Variants in PANK3 observed in about 807,000 individuals in gnomAD.
PANK3 encodes the protein pantothenate kinase 3.
In PANK3, 20 loss-of-function variants were observed where a neutral mutation model predicts 39.4. The ratio of observed to expected loss-of-function variants is 0.51; its 90% CI spans 0.36 to 0.74. The LOEUF (loss-of-function observed/expected upper bound fraction) is 0.74, where lower values mean the gene tolerates loss of function less well. Among genes scored for constraint, PANK3 ranks in the 30% least tolerant of loss-of-function variants. PANK3 has a pLI of 0.00. For synonymous variants in PANK3, 140 were observed against 157.3 expected, an observed-to-expected ratio of 0.89 and a Z score of 0.82; for missense variants, 265 against 437.0, an observed-to-expected ratio of 0.61 and a Z score of 3.51.
At chr5:168,568,616 A>C (rs936992004) in intron 2 of PANK3, 30 bp downstream of exon 2, 2 of 1,467,902 alleles carry the variant, frequency 1.4e-6, no homozygotes, top group African/African-American at 2.8e-5. Context: ...AACAGGTATC[A>C]ATTTTCAGTT....
chr5:168,573,778 T>C (rs1373051746), intron 1 of PANK3, among the ~76,000 whole-genome samples: 1 of 151,112 alleles, frequency 6.6e-6, no homozygotes, highest in African/African-American at 2.4e-5. Flanking sequence ...TTTGGTTTTT[T>C]GTTCTTGCGA....
At position 168,561,406 on chromosome 5, in the gene PANK3, C is replaced by T. The variant is rs1197410147; in HGVS notation, c.923G>A (p.Cys308Tyr). ...TNNIGSVARM[C>Y]AVNEKINRVV... ...TTGTTTTTTTACCTCATTAACAGCA[C>T]ACATTCGTGCCACAGAACCAATGTT... Residue 308 changes from cysteine to tyrosine, a missense_variant, in exon 5 of 7, where the codon TGT becomes TAT. This residue lies in a region of PANK3 where 110 missense variants were observed against 161.2 expected (regional missense o/e 0.68). Coordinates refer to ENST00000239231, the MANE Select transcript of PANK3 (RefSeq NM_024594.4). 1.3e-6 allele frequency: 2 copies of T among 1,582,778 alleles called. No individual in the cohort carries two copies. Among genetic ancestry groups the T allele is most frequent in the Non-Finnish European group, 1.7e-6 (2 of 1,168,112 alleles).
At chr5:168,563,800 A>T in intron 4 of PANK3, 89 bp downstream of exon 4, 2 of 1,222,216 alleles carry the variant, frequency 1.6e-6, no homozygotes, top group Non-Finnish European at 2.2e-6. Flanking sequence ...AAGCACCCTT[A>T]CAACTTTCTG....
rs1759790583 is a variant in PANK3 at position 168,579,300 on chromosome 5, G to A, written c.-17C>T. Reference sequence around the variant, plus strand: ...GATCTTCATGGCGTCGGCCCGAGGGGCGATGGACGGCCTCCGATCCGGGGC... The same window carrying A: ...GATCTTCATGGCGTCGGCCCGAGGGACGATGGACGGCCTCCGATCCGGGGC... On this transcript the variant is annotated 5_prime_UTR_variant, in exon 1 of 7. Transcript: ENST00000239231. The A allele has an allele frequency of 1.4e-6, 2 of 1,478,020 alleles. No homozygotes were observed. Among genetic ancestry groups the A allele is most frequent in the Non-Finnish European group, 1.8e-6 (2 of 1,109,874 alleles). The allele number at this position is 1,478,020 out of a possible 1,614,324, so 91.6% of individuals were successfully genotyped here.
chr5:168,575,225 G>A lies in PANK3; in HGVS notation c.28+4031C>T, dbSNP rs982539674. ...TATTCTATGTCTCAAGTGGTCTTAT[G>A]AGAGTTGACATTAGTTCCCCATATG... On this transcript the variant is annotated intron_variant, in intron 1 of 6. Transcript: ENST00000239231. Among the ~76,000 whole-genome samples the A allele has an allele frequency of 3.9e-5, 6 of 152,142 alleles. No individual in the cohort carries two copies. In the South Asian group the frequency reaches 6.2e-4, roughly 16 times the overall value.
intron 1 of PANK3, among the ~76,000 whole-genome samples, chr5:168,570,575 G>A (rs187279831): frequency 1.3e-5 from 2 of 152,020 alleles, no homozygotes; most frequent in Admixed American, 1.3e-4. Flanking sequence ...ATTAATAGAA[G>A]GAATGATAAA....
intron 6 of PANK3, among the ~76,000 whole-genome samples, chr5:168,558,092 T>A (rs979964406): frequency 6.6e-6 from 1 of 151,794 alleles, no homozygotes; most frequent in Non-Finnish European, 1.5e-5. Context: ...CCATGTGGAA[T>A]TGCACAAGGG....
In PANK3 at chr5:168,557,550, C is replaced by CAG. The variant is rs753838223; in HGVS notation, c.*19_*20dup. 1.2e-5 allele frequency: 19 copies of CAG among 1,606,632 alleles called. No homozygotes were observed. In the Middle Eastern group the frequency reaches 5.0e-4, roughly 42 times the overall value. On this transcript the variant is annotated 3_prime_UTR_variant, in exon 7 of 7. Coordinates refer to ENST00000239231, the MANE Select transcript of PANK3 (RefSeq NM_024594.4). ...GTTCCTCTTGGATGACATTTATTAG[C>CAG]AGAGAGAGAGACCTGATGCTTTAGC...
In PANK3 at chr5:168,554,925, A is replaced by G. The variant is rs1313712803; in HGVS notation, c.*2646T>C. On this transcript the variant is annotated 3_prime_UTR_variant, in exon 7 of 7. Transcript: ENST00000239231. ...GGTTAATGTGAACTATGATTCATAT[A>G]TTTTATCCTTTCAAACTGAAATTAC... The G allele has an allele frequency of 1.3e-5, 2 of 152,226 alleles. No individual in the cohort carries two copies. Among genetic ancestry groups the G allele is most frequent in the African/African-American group, 4.8e-5 (2 of 41,454 alleles). 9.4% of individuals were successfully genotyped at this position (152,226 alleles called of 1,614,324 possible). A position where few individuals can be genotyped will look rare whatever the true frequency, so the allele number is the denominator to read the frequency against.
intron 4 of PANK3, among the ~76,000 whole-genome samples, chr5:168,562,448 G>C (rs1759462098): frequency 6.6e-6 from 1 of 152,158 alleles, no homozygotes. Context: ...TGGTCGGAGT[G>C]AAGCGTCTAT....
At chr5:168,572,016 C>T (rs936693064) in intron 1 of PANK3, among the ~76,000 whole-genome samples, 17 of 151,936 alleles carry the variant, frequency 1.1e-4, no homozygotes, top group African/African-American at 2.7e-4. Context: ...TACTTCATCA[C>T]GTCAACTATA....
At position 168,566,270 on chromosome 5, in the gene PANK3, T is replaced by C; in HGVS notation, c.382-4A>G. 2 of 1,572,040 alleles carry C rather than the reference T, an allele frequency of 1.3e-6. No individual in the cohort carries two copies. The highest frequency in any genetic ancestry group is 1.7e-6 in the Non-Finnish European group (2 of 1,152,624). ...TGTGCAGGTGGAGGTTTCCAATCTG[T>C]TAAAACAAACAAACAAAAACAAAAA... On this transcript the variant is annotated splice_polypyrimidine_tract_variant and splice_region_variant and intron_variant, in intron 2 of 6. Transcript: ENST00000239231.
At position 168,554,929 on chromosome 5, in the gene PANK3, T is replaced by G. The variant is rs1240488420; in HGVS notation, c.*2642A>C. 1 of 152,246 alleles carries G rather than the reference T, an allele frequency of 6.6e-6. No homozygotes were observed. The highest frequency in any genetic ancestry group is 1.5e-5 in the Non-Finnish European group (1 of 68,044). The allele number at this position is 152,246 out of a possible 1,614,324, so 9.4% of individuals were successfully genotyped here. On this transcript the variant is annotated 3_prime_UTR_variant, in exon 7 of 7. Coordinates refer to ENST00000239231, the MANE Select transcript of PANK3 (RefSeq NM_024594.4). ...AATGTGAACTATGATTCATATATTT[T>G]ATCCTTTCAAACTGAAATTACCTGC...
chr5:168,573,609 A>G (rs866953377), intron 1 of PANK3, among the ~76,000 whole-genome samples: 1 of 151,148 alleles, frequency 6.6e-6, no homozygotes, highest in African/African-American at 2.4e-5. Flanking sequence ...CCATCCTGGT[A>G]CGCTGCACCA....
rs1026590761 is a variant in PANK3, at chr5:168,554,362, C to T, written c.*3209G>A. On this transcript the variant is annotated 3_prime_UTR_variant, in exon 7 of 7. Transcript: ENST00000239231. ...ACTATGGGTTTTTTTGTTTACAGAC[C>T]GCAGGTTTACTTAATAGTTTTCAGT... is the stretch of plus-strand genomic sequence containing the variant. The T allele has an allele frequency of 1.3e-5, 2 of 151,948 alleles. No homozygotes were observed. Among genetic ancestry groups the T allele is most frequent in the Non-Finnish European group, 2.9e-5 (2 of 67,978 alleles). 9.4% of individuals were successfully genotyped at this position (151,948 alleles called of 1,614,324 possible). A position where few individuals can be genotyped will look rare whatever the true frequency, so the allele number is the denominator to read the frequency against.
intron 1 of PANK3, among the ~76,000 whole-genome samples, chr5:168,572,336 TCTC>T (rs1326981530): frequency 6.6e-6 from 1 of 151,368 alleles, no homozygotes; most frequent in African/African-American, 2.4e-5. Context: ...ATGGTTTTGA[TCTC>T]CTAACCTTGT....
chr5:168,551,634 TA>T lies in PANK3; in HGVS notation c.*5936del, dbSNP rs1167716364. On this transcript the variant is annotated 3_prime_UTR_variant, in exon 7 of 7. Coordinates refer to ENST00000239231, the MANE Select transcript of PANK3 (RefSeq NM_024594.4). ...CCTTAAAAATCAAGGCAAGATGGAC[TA>T]CTCTTTGAAGGCAAGAATACTGCTG... 6.6e-6 allele frequency: 1 copy of T among 152,196 alleles called. No individual in the cohort carries two copies. The highest frequency in any genetic ancestry group is 6.5e-5 in the Admixed American group (1 of 15,278). The allele number at this position is 152,196 out of a possible 1,614,324, so 9.4% of individuals were successfully genotyped here.
intron 3 of PANK3, among the ~76,000 whole-genome samples, chr5:168,564,275 A>C (rs1389220275): frequency 6.6e-6 from 1 of 152,144 alleles, no homozygotes; most frequent in Non-Finnish European, 1.5e-5. Context: ...GAAAAAAATC[A>C]CTTGGTGGAA....
At chr5:168,579,132 C>T (rs1174982654) in intron 1 of PANK3, 124 bp downstream of exon 1, 2 of 818,852 alleles carry the variant, frequency 2.4e-6, no homozygotes, top group African/African-American at 3.7e-5. Context: ...GTCCCTCCGC[C>T]CCCATACCGG....
Sources: allele counts gnomAD v4.1 joint callset (sites outside exome capture counted in the v4.1 genomes callset), GRCh38; gene constraint gnomAD v4.1.1; regional missense constraint gnomAD v4.1.1; transcripts MANE v1.5; gene names NCBI Gene and HGNC (gene_info 2026-07-23, HGNC 2026-07-21).